The following STAT4 variants were observed in gnomAD, a reference collection of about 807,000 sequenced individuals.
The protein encoded by STAT4 is signal transducer and activator of transcription 4.
Under a neutral mutation model 110.5 loss-of-function variants are expected in STAT4, and 42 were observed. That is an observed-to-expected ratio of 0.38 (90% CI 0.30 to 0.49). The LOEUF (loss-of-function observed/expected upper bound fraction) is 0.49, where lower values mean the gene tolerates loss of function less well. STAT4 is among the 20% of genes least tolerant of loss of function. The pLI is 0.95. For missense variants in STAT4, 632 were observed against 887.9 expected, an observed-to-expected ratio of 0.71 and a Z score of 3.66; for synonymous variants, 284 against 302.2, an observed-to-expected ratio of 0.94 and a Z score of 0.63.
chr2:191,040,808 C>T (rs1461504387), intron 15 of STAT4, among the ~76,000 whole-genome samples: 3 of 152,206 alleles, frequency 2.0e-5, no homozygotes, highest in Non-Finnish European at 4.4e-5. Flanking sequence ...AAGCAATCCA[C>T]CCACCTTGGC....
At chr2:191,141,805 A>G (rs756240785) in intron 3 of STAT4, among the ~76,000 whole-genome samples, 4 of 151,794 alleles carry the variant, frequency 2.6e-5, no homozygotes, top group Admixed American at 6.6e-5. Flanking sequence ...TAATTTTTGT[A>G]TTGTTAGTAG....
rs2125226304 is a variant in STAT4, at chr2:191,060,479, C to CGTGA, written c.1034+1246_1034+1249dup. Among the ~76,000 whole-genome samples, 1 of 152,292 alleles carries CGTGA rather than the reference C, an allele frequency of 6.6e-6. No individual in the cohort carries two copies. Among genetic ancestry groups the CGTGA allele is most frequent in the East Asian group, 1.9e-4 (1 of 5,186 alleles). ...TGTTGCCCAGCCTGAAGTGCAGTGG[C>CGTGA]GTGAGTGCAGTGTACTGCAACCTCT... On this transcript the variant is annotated intron_variant, in intron 10 of 23. Coordinates refer to ENST00000392320, the MANE Select transcript of STAT4 (RefSeq NM_003151.4). This position sits in a 1 kb window ranked among gnomAD's most constrained non-coding sequence, Gnocchi z 4.5.
At chr2:191,111,095 T>C (rs187097310) in intron 3 of STAT4, among the ~76,000 whole-genome samples, 14 of 152,296 alleles carry the variant, frequency 9.2e-5, no homozygotes, top group Admixed American at 3.9e-4. Flanking sequence ...GAATTATATT[T>C]TAAATATAAA....
rs1351261989 is a variant in STAT4, at chr2:191,104,824, T to G, written c.274-28499A>C. ...TTAAGGATGGGTCCTGGCTGGTGTT[T>G]GAGACCTTCTGGACTAAGACTGAGA... is the stretch of plus-strand genomic sequence containing the variant. On this transcript the variant is annotated intron_variant, in intron 3 of 23. Transcript: ENST00000392320. The surrounding 1 kb of genome is among the most constrained non-coding windows in gnomAD (Gnocchi z 4.3). Among the ~76,000 whole-genome samples the G allele has an allele frequency of 1.3e-5, 2 of 152,210 alleles. No homozygotes were observed. The highest frequency in any genetic ancestry group is 1.9e-4 in the East Asian group (1 of 5,200).
Position 191,140,609 on chromosome 2 carries a change from G to A in STAT4, c.273+6004C>T, listed in dbSNP as rs1174797275. Among the ~76,000 whole-genome samples, 1 of 152,218 alleles carries A rather than the reference G, an allele frequency of 6.6e-6. No homozygotes were observed. Among genetic ancestry groups the A allele is most frequent in the Non-Finnish European group, 1.5e-5 (1 of 68,036 alleles). ...AAAACCAATAGACGCTGGCATGGAT[G>A]TAGTGAAAAGGGAACACTGTTAGAC... On this transcript the variant is annotated intron_variant, in intron 3 of 23. Coordinates refer to ENST00000392320, the MANE Select transcript of STAT4 (RefSeq NM_003151.4). The surrounding 1 kb of genome is among the most constrained non-coding windows in gnomAD (Gnocchi z 4.4).
intron 16 of STAT4, among the ~76,000 whole-genome samples, chr2:191,038,348 G>A (rs371449200): frequency 1.1e-4 from 17 of 152,236 alleles, no homozygotes; most frequent in Middle Eastern, 3.4e-3. Flanking sequence ...CATTTTCCTC[G>A]TTGTTTCCTT....
chr2:191,079,439 A>G (rs1697403420), intron 3 of STAT4, among the ~76,000 whole-genome samples: 1 of 152,010 alleles, frequency 6.6e-6, no homozygotes, highest in Admixed American at 6.6e-5. Flanking sequence ...TGATACTAGA[A>G]TAAATATCTT....
chr2:191,114,013 A>C (rs936662908), intron 3 of STAT4, among the ~76,000 whole-genome samples: 1 of 152,182 alleles, frequency 6.6e-6, no homozygotes, highest in Admixed American at 6.5e-5. Context: ...CTGTGGTCTG[A>C]TCTAAGATGT....
chr2:191,110,773 A>T lies in STAT4; in HGVS notation c.274-34448T>A, dbSNP rs1430841599. ...CTACATTGAATTATATTTTATTTTT[A>T]AATTTTTGTTTGTTTGTTTGTTTGT... is the stretch of plus-strand genomic sequence containing the variant. On this transcript the variant is annotated intron_variant, in intron 3 of 23. Transcript: ENST00000392320. The surrounding 1 kb of genome is among the most constrained non-coding windows in gnomAD (Gnocchi z 4.5). 6.6e-6 allele frequency among the ~76,000 whole-genome samples: 1 copy of T among 152,018 alleles called. No homozygotes were observed. Among genetic ancestry groups the T allele is most frequent in the African/African-American group, 2.4e-5 (1 of 41,382 alleles).
In STAT4 at chr2:191,150,859, C is replaced by T. The variant is rs1699577294; in HGVS notation, c.-2+88G>A. ...TAAAATGAAGCAATTGTCAAAACGCCAAGGGAAAGCAAAGCTTCAGAGTAT... is the reference window on the plus strand; with the variant it reads ...TAAAATGAAGCAATTGTCAAAACGCTAAGGGAAAGCAAAGCTTCAGAGTAT... On this transcript the variant is annotated intron_variant, in intron 1 of 23. Transcript: ENST00000392320. This position sits in a 1 kb window ranked among gnomAD's most constrained non-coding sequence, Gnocchi z 6.4. 1.0e-6 allele frequency: 1 copy of T among 962,610 alleles called. No individual in the cohort carries two copies. The highest frequency in any genetic ancestry group is 1.2e-6 in the Non-Finnish European group (1 of 809,416). The allele number at this position is 962,610 out of a possible 1,614,324, so 59.6% of individuals were successfully genotyped here. A position where few individuals can be genotyped will look rare whatever the true frequency, so the allele number is the denominator to read the frequency against.
At chr2:191,087,739 C>T (rs942236222) in intron 3 of STAT4, among the ~76,000 whole-genome samples, 4 of 151,882 alleles carry the variant, frequency 2.6e-5, no homozygotes, top group African/African-American at 2.4e-5. Context: ...GTTATGTCTA[C>T]GGTGAAAAAA....
At chr2:191,075,324 C>T (rs1029577482) in intron 4 of STAT4, among the ~76,000 whole-genome samples, 3 of 152,172 alleles carry the variant, frequency 2.0e-5, no homozygotes, top group African/African-American at 7.2e-5. Context: ...ATTGATTCCT[C>T]TACTTGTTTT....
At chr2:191,034,284 G>C (rs576482731) in intron 18 of STAT4, among the ~76,000 whole-genome samples, 3 of 151,946 alleles carry the variant, frequency 2.0e-5, no homozygotes, top group Admixed American at 6.6e-5. Context: ...TTAGCCGGGC[G>C]TGGTGGTGGG....
In STAT4 at chr2:191,053,768, C is replaced by G. The variant is rs1421625211; in HGVS notation, c.1251+722G>C. On this transcript the variant is annotated intron_variant, in intron 14 of 23. Coordinates refer to ENST00000392320, the MANE Select transcript of STAT4 (RefSeq NM_003151.4). This position sits in a 1 kb window ranked among gnomAD's most constrained non-coding sequence, Gnocchi z 4.5. ...GACTGACTAAAGAAACTATGGCACA[C>G]CTATAAAATGTAATGTAATGCAAGC... Among the ~76,000 whole-genome samples the G allele has an allele frequency of 6.6e-6, 1 of 152,152 alleles. No individual in the cohort carries two copies. The highest frequency in any genetic ancestry group is 2.4e-5 in the African/African-American group (1 of 41,442).
Position 191,120,526 on chromosome 2 carries a change from A to C in STAT4, c.273+26087T>G, listed in dbSNP as rs905810562. On this transcript the variant is annotated intron_variant, in intron 3 of 23. Transcript: ENST00000392320. ...GAGCAAAACCTTGTCTCAACCAATC[A>C]ACAGGCAAAGGAATTCAAGAGGTAC... 1.3e-5 allele frequency among the ~76,000 whole-genome samples: 2 copies of C among 152,196 alleles called. 1 individual carries two copies. The highest frequency in any genetic ancestry group is 2.9e-5 in the Non-Finnish European group (2 of 68,032).
chr2:191,113,029 T>C lies in STAT4; in HGVS notation c.273+33584A>G, dbSNP rs1257054694. Among the ~76,000 whole-genome samples the C allele has an allele frequency of 6.6e-6, 1 of 152,158 alleles. No individual in the cohort carries two copies. The highest frequency in any genetic ancestry group is 1.5e-5 in the Non-Finnish European group (1 of 68,034). On this transcript the variant is annotated intron_variant, in intron 3 of 23. Coordinates refer to ENST00000392320, the MANE Select transcript of STAT4 (RefSeq NM_003151.4). The surrounding 1 kb of genome is among the most constrained non-coding windows in gnomAD (Gnocchi z 4.8). ...GCCCATCTGGGAATACTCACACGAGTAGGGCAAGTGGGCCCATCAGTTGTG... is the reference window on the plus strand; with the variant it reads ...GCCCATCTGGGAATACTCACACGAGCAGGGCAAGTGGGCCCATCAGTTGTG...
intron 3 of STAT4, among the ~76,000 whole-genome samples, chr2:191,136,048 C>A: frequency 6.9e-6 from 1 of 145,376 alleles, no homozygotes; most frequent in African/African-American, 2.6e-5. Context: ...CCAATGTGAT[C>A]AAGTGGGATT....
At chr2:191,124,461 A>AC (rs1375355085) in intron 3 of STAT4, among the ~76,000 whole-genome samples, 32 of 151,666 alleles carry the variant, frequency 2.1e-4, no homozygotes, top group African/African-American at 6.3e-4. Flanking sequence ...CTCAAAAAAA[A>AC]AAAAAAAAAA....
chr2:191,146,524 G>A lies in STAT4; in HGVS notation c.273+89C>T. ...CTCAATTTTCCCCTAAATTTCATTT[G>A]AAAATAATATAAGGGTACATATTTA... is the stretch of plus-strand genomic sequence containing the variant. On this transcript the variant is annotated intron_variant, in intron 3 of 23. Transcript: ENST00000392320. The surrounding 1 kb of genome is among the most constrained non-coding windows in gnomAD (Gnocchi z 4.5). 2.5e-6 allele frequency: 3 copies of A among 1,188,330 alleles called. No individual in the cohort carries two copies. Among genetic ancestry groups the A allele is most frequent in the Non-Finnish European group, 3.2e-6 (3 of 928,662 alleles). The allele number at this position is 1,188,330 out of a possible 1,614,324, so 73.6% of individuals were successfully genotyped here.
Sources: gnomAD v4.1 joint callset for allele counts (sites outside exome capture counted in the v4.1 genomes callset) on GRCh38, gnomAD v4.1.1 for gene constraint, Gnocchi (gnomAD v3.1) non-coding constraint, MANE v1.5 for transcripts, NCBI Gene and HGNC (gene_info 2026-07-23, HGNC 2026-07-21) for gene names.